CYP2S1: variants seen among roughly 807,000 people sequenced by gnomAD.
The protein encoded by CYP2S1 is cytochrome P450 family 2 subfamily S member 1.
Under a neutral mutation model 43.5 loss-of-function variants are expected in CYP2S1, and 32 were observed. That is an observed-to-expected ratio of 0.74 (90% CI 0.56 to 0.99). The LOEUF is 0.99. Among genes scored for constraint, CYP2S1 ranks in the 50% least tolerant of loss-of-function variants. The pLI, the probability that CYP2S1 is intolerant of heterozygous loss-of-function variation, is 0.00. For synonymous variants in CYP2S1, 283 were observed against 302.9 expected (o/e 0.93, Z 0.68); for missense variants, 575 against 673.9 (o/e 0.85, Z 1.62).
In CYP2S1 at chr19:41,194,588, C is replaced by G. The variant is rs338599; in HGVS notation, c.222C>G (p.Pro74=). The change falls in exon 2 of 9, where the codon CCC becomes CCG. Residue 74 remains proline (P), a synonymous_variant. Coordinates refer to ENST00000310054, the MANE Select transcript of CYP2S1 (RefSeq NM_030622.8). The part of the protein sequence containing the change: ...YGPVFTIYLG[P]WRPVVVLVGQ... Reference sequence around the variant, plus strand: ...CGGTGTTCACCATCTACCTGGGACCCTGGCGGCCTGTGGTGGTCCTGGTTG... The same window carrying G: ...CGGTGTTCACCATCTACCTGGGACCGTGGCGGCCTGTGGTGGTCCTGGTTG... 0.055 allele frequency: 88,217 copies of G among 1,610,236 alleles called. 3,823 individuals carry two copies. The highest frequency in any genetic ancestry group is 0.24 in the East Asian group (10,547 of 44,676).
At chr19:41,205,149 A>G (rs2122168655) in intron 7 of CYP2S1, among the ~76,000 whole-genome samples, 1 of 152,198 alleles carries the variant, frequency 6.6e-6, no homozygotes, top group Admixed American at 6.6e-5. Context: ...AGTGCTTTGC[A>G]TATCTATTAT....
intron 2 of CYP2S1, among the ~76,000 whole-genome samples, chr19:41,195,506 A>G (rs1407086453): frequency 7.0e-6 from 1 of 142,120 alleles, no homozygotes; most frequent in African/African-American, 2.6e-5. Flanking sequence ...ACGGGGAGAA[A>G]GGTCAGGGTG....
chr19:41,194,486 A>C, intron 1 of CYP2S1, 58 bp from the exon 2 acceptor site: 20 of 1,491,300 alleles, frequency 1.3e-5, no homozygotes, highest in Non-Finnish European at 1.7e-5. Context: ...GCCATGATGG[A>C]GACACCTTGG....
chr19:41,193,498 C>T, intron 1 of CYP2S1, 57 bp downstream of exon 1: 1 of 1,388,256 alleles, frequency 7.2e-7, no homozygotes, highest in Non-Finnish European at 9.4e-7. Flanking sequence ...GGAGAGAAAC[C>T]CGAGTGCCAG....
intron 7 of CYP2S1, among the ~76,000 whole-genome samples, chr19:41,204,037 A>G (rs1252620016): frequency 6.6e-6 from 1 of 151,466 alleles, no homozygotes; most frequent in East Asian, 1.9e-4. Flanking sequence ...AATTTTTTGT[A>G]TTTTTAGTAG....
chr19:41,195,133 G>C lies in CYP2S1; in HGVS notation c.343+424G>C, dbSNP rs1263254631. On this transcript the variant is annotated intron_variant, in intron 2 of 8. Transcript: ENST00000310054. ...TCCATCTCAAACAAACAAACAAAAA[G>C]CAGTGCCCATCATGTAGGATTGAGT... Among the ~76,000 whole-genome samples the C allele has an allele frequency of 2.6e-5, 4 of 152,114 alleles. No individual in the cohort carries two copies. The East Asian group carries it at 7.7e-4, about 29-fold the overall frequency.
intron 2 of CYP2S1, among the ~76,000 whole-genome samples, chr19:41,195,230 C>T (rs2033396825): frequency 6.6e-6 from 1 of 152,170 alleles, no homozygotes; most frequent in African/African-American, 2.4e-5. Context: ...CAGTGATAAC[C>T]ATCAATGATC....
In CYP2S1 at chr19:41,206,790, C is replaced by G; in HGVS notation, c.*302C>G. The G allele has an allele frequency of 1.7e-6, 1 of 584,552 alleles. No individual in the cohort carries two copies. The highest frequency in any genetic ancestry group is 1.5e-5 in the South Asian group (1 of 67,066). 36.2% of individuals were successfully genotyped at this position (584,552 alleles called of 1,614,324 possible). A position where few individuals can be genotyped will look rare whatever the true frequency, so the allele number is the denominator to read the frequency against. Reference sequence around the variant, plus strand: ...ACATAGCCAGGTAACCCACCAACTCCCCTGGATCTGCAGCCCACACGTGGG... The same window carrying G: ...ACATAGCCAGGTAACCCACCAACTCGCCTGGATCTGCAGCCCACACGTGGG... On this transcript the variant is annotated 3_prime_UTR_variant, in exon 9 of 9. Transcript: ENST00000310054.
intron 2 of CYP2S1, among the ~76,000 whole-genome samples, chr19:41,197,497 G>A (rs1398156329): frequency 1.3e-4 from 19 of 151,994 alleles, no homozygotes; most frequent in African/African-American, 4.4e-4. Flanking sequence ...TCAGGAGATC[G>A]AGACCATCCT....
intron 7 of CYP2S1, among the ~76,000 whole-genome samples, chr19:41,205,317 ATTC>A (rs1329276173): frequency 7.6e-6 from 1 of 132,128 alleles, no homozygotes; most frequent in African/African-American, 2.6e-5. Flanking sequence ...CTTAACTACT[ATTC>A]TTTGCCTTTC....
rs753314095 is a variant in CYP2S1 at position 41,194,573 on chromosome 19, C to T, written c.207C>T (p.Thr69=). ...GTAAGAAGTACGGACCGGTGTTCAC[C>T]ATCTACCTGGGACCCTGGCGGCCTG... The part of the protein sequence containing the change: ...RLSKKYGPVF[T]IYLGPWRPVV... Residue 69 remains threonine (T), a synonymous_variant, in exon 2 of 9, where the codon ACC becomes ACT. Transcript: ENST00000310054. 20 of 1,605,074 alleles carry T rather than the reference C, an allele frequency of 1.2e-5. No homozygotes were observed. Among genetic ancestry groups the T allele is most frequent in the Non-Finnish European group, 1.6e-5 (19 of 1,176,896 alleles).
intron 5 of CYP2S1, among the ~76,000 whole-genome samples, chr19:41,200,441 C>T (rs574058333): frequency 8.0e-4 from 121 of 152,098 alleles, no homozygotes; most frequent in South Asian, 3.5e-3. Flanking sequence ...GGCTCGATCT[C>T]GGCTCACTGC....
rs199907167 is a variant in CYP2S1, at chr19:41,198,850, C to T, written c.796C>T (p.Arg266Cys). 83 of 1,614,026 alleles carry T rather than the reference C, an allele frequency of 5.1e-5. No homozygotes were observed. The highest frequency in any genetic ancestry group is 3.3e-4 in the Middle Eastern group (2 of 6,060). ...GAACCTGGATGCTTCGGGCCCCGCA[C>T]GTGACCTTGTCGATGCCTTCCTGCT... ...QGNLDASGPA[R>C]DLVDAFLLKM... The change falls in exon 5 of 9, where the codon CGT becomes TGT. Residue 266 changes from arginine to cysteine, a missense_variant. This residue lies in a region of CYP2S1 where 353 missense variants were observed against 367.6 expected (regional missense o/e 0.96). Transcript: ENST00000310054. The surrounding 1 kb of genome is among the most constrained non-coding windows in gnomAD (Gnocchi z 4.9).
Position 41,205,976 on chromosome 19 carries a change from C to T in CYP2S1, c.1183C>T (p.Leu395Phe). ...CCCTCAGGGCACGGAGGTCTTCCCC[C>T]TCCTTGGCTCCATCCTGCATGACCC... ...TLPQGTEVFPLLGSILHDPNI... is the reference protein window; with the variant it reads ...TLPQGTEVFPFLGSILHDPNI... Residue 395 changes from leucine to phenylalanine, a missense_variant, in exon 8 of 9, where the codon CTC (leucine) becomes TTC (phenylalanine). Physicochemically the swap from Leu to Phe is conservative, Grantham distance 22. Transcript: ENST00000310054. 6.2e-7 allele frequency: 1 copy of T among 1,613,998 alleles called. No individual in the cohort carries two copies. Among genetic ancestry groups the T allele is most frequent in the Non-Finnish European group, 8.5e-7 (1 of 1,179,948 alleles).
intron 2 of CYP2S1, among the ~76,000 whole-genome samples, chr19:41,196,277 G>A (rs975603770): frequency 5.9e-5 from 9 of 152,126 alleles, no homozygotes; most frequent in African/African-American, 1.9e-4. Context: ...GAAGACCAGC[G>A]CAGTCGTAGT....
chr19:41,195,709 AC>A (rs1368432281), intron 2 of CYP2S1, among the ~76,000 whole-genome samples: 1 of 152,148 alleles, frequency 6.6e-6, no homozygotes, highest in Non-Finnish European at 1.5e-5. Context: ...AAAGACCAGC[AC>A]CTACAAAAGC....
At chr19:41,201,710 A>G (rs576508563) in intron 6 of CYP2S1, among the ~76,000 whole-genome samples, 12 of 151,984 alleles carry the variant, frequency 7.9e-5, no homozygotes, top group Admixed American at 6.6e-4. Flanking sequence ...TTTCAAAAAA[A>G]AAAAAGTGAG....
chr19:41,206,106 G>A lies in CYP2S1; in HGVS notation c.1306+7G>A, dbSNP rs1267819370. 6.2e-7 allele frequency: 1 copy of A among 1,613,738 alleles called. No homozygotes were observed. The highest frequency in any genetic ancestry group is 1.1e-5 in the South Asian group (1 of 91,040). ...TTCCTGCCCTTCTCCTTAGGTATCT[G>A]CTGCAGCCCTGGGTATCACAAGCAG... On this transcript the variant is annotated splice_region_variant and intron_variant, in intron 8 of 8. Coordinates refer to ENST00000310054, the MANE Select transcript of CYP2S1 (RefSeq NM_030622.8).
Position 41,201,336 on chromosome 19 carries a change from A to T in CYP2S1, c.940A>T (p.Thr314Ser), listed in dbSNP as rs757171848. The change falls in exon 6 of 9, where the codon ACC becomes TCC. Residue 314 changes from threonine to serine, a missense_variant. Around this residue, in one of 2 missense-constraint regions of CYP2S1, gnomAD observed 222 missense variants for 306.3 expected, o/e 0.72. Transcript: ENST00000310054. The part of the protein sequence containing the change: ...TMTVSTTVGY[T>S]LLLLMKYPHV... ...GACGGTCAGCACCACGGTCGGCTAT[A>T]CCCTCCTGCTCCTGATGAAATACCC... is the stretch of plus-strand genomic sequence containing the variant. The T allele has an allele frequency of 1.2e-6, 2 of 1,613,910 alleles. No individual in the cohort carries two copies. The highest frequency in any genetic ancestry group is 1.7e-6 in the Non-Finnish European group (2 of 1,180,024).
Sources: gnomAD v4.1 joint callset for allele counts (sites outside exome capture counted in the v4.1 genomes callset) on GRCh38, gnomAD v4.1.1 for gene constraint, gnomAD v4.1.1 regional missense constraint, Gnocchi (gnomAD v3.1) non-coding constraint, MANE v1.5 for transcripts, NCBI Gene and HGNC (gene_info 2026-07-23, HGNC 2026-07-21) for gene names.